The following TLCD4 variants were observed in gnomAD, a reference collection of about 807,000 sequenced individuals.
TLCD4 encodes TLC domain-containing protein 4.
A neutral mutation model predicts 24.2 loss-of-function variants in TLCD4; 7 were observed. That is an observed-to-expected ratio of 0.29 (90% CI 0.16 to 0.54). The LOEUF is 0.54. Ranked by LOEUF, TLCD4 falls within the 20% of genes least tolerant of loss-of-function variation. TLCD4 has a pLI of 0.95. For missense variants in TLCD4, 259 were observed against 313.9 expected (o/e 0.82, Z 1.32); for synonymous variants, 103 against 106.4 (o/e 0.97, Z 0.20).
chr1:95,130,555 G>A (rs915502), intron 1 of TLCD4, among the ~76,000 whole-genome samples: 149,613 of 152,324 alleles, frequency 0.98, 73,528 homozygotes, highest in East Asian at 1. Flanking sequence ...TGAAAATGCA[G>A]ACAAAACTCA....
chr1:95,139,870 GTTA>G (rs1010864642), intron 1 of TLCD4, among the ~76,000 whole-genome samples: 4 of 152,136 alleles, frequency 2.6e-5, no homozygotes, highest in South Asian at 2.1e-4. Flanking sequence ...TTACAATTAT[GTTA>G]TTATTATTTT....
At chr1:95,176,576 T>C (rs1678439714) in intron 6 of TLCD4, among the ~76,000 whole-genome samples, 1 of 152,216 alleles carries the variant, frequency 6.6e-6, no homozygotes, top group Admixed American at 6.5e-5. Context: ...TTTGGAAATA[T>C]TTTCATCTAT....
chr1:95,165,559 G>A (rs1020816267), intron 5 of TLCD4, among the ~76,000 whole-genome samples: 2 of 150,596 alleles, frequency 1.3e-5, no homozygotes, highest in East Asian at 2.0e-4. Context: ...TCCACTTCCC[G>A]GGTTCAAGCG....
intron 6 of TLCD4, among the ~76,000 whole-genome samples, chr1:95,184,231 A>G (rs1185441314): frequency 6.6e-6 from 1 of 152,116 alleles, no homozygotes; most frequent in Non-Finnish European, 1.5e-5. Context: ...TCTTGGACTC[A>G]CAATATCTTG....
chr1:95,107,130 A>G, the TLCD4 span, among the ~76,000 whole-genome samples: 8 of 152,238 alleles, frequency 5.3e-5, no homozygotes, highest in South Asian at 2.1e-4. Context: ...AGTCATAAAA[A>G]TAGTTCTTTT....
At chr1:95,191,055 T>A (rs867192415) in intron 6 of TLCD4, among the ~76,000 whole-genome samples, 29 of 152,166 alleles carry the variant, frequency 1.9e-4, no homozygotes, top group African/African-American at 6.5e-4. Context: ...AGATGCAAGA[T>A]CATACAGGTT....
At position 95,160,620 on chromosome 1, in the gene TLCD4, T is replaced by G. The variant is rs1677762829; in HGVS notation, c.399+9201T>G. On this transcript the variant is annotated intron_variant, in intron 5 of 6. Coordinates refer to ENST00000370203, the MANE Select transcript of TLCD4 (RefSeq NM_152487.3). ...GGGAATGCTTCCAGTTTTTGCCCAT[T>G]CGGTATGACATTGGCTGTGGGTTTG... Among the ~76,000 whole-genome samples the G allele has an allele frequency of 3.9e-5, 6 of 152,238 alleles. No individual in the cohort carries two copies. The South Asian group carries it at 1.2e-3, about 32-fold the overall frequency.
intron 2 of TLCD4, among the ~76,000 whole-genome samples, chr1:95,144,416 G>A (rs1205454004): frequency 6.6e-6 from 1 of 152,110 alleles, no homozygotes; most frequent in African/African-American, 2.4e-5. Flanking sequence ...CTTTTGAGTA[G>A]CTTATACCAT....
At chr1:95,168,748 T>C (rs555550776) in intron 5 of TLCD4, among the ~76,000 whole-genome samples, 22 of 152,094 alleles carry the variant, frequency 1.4e-4, no homozygotes, top group Non-Finnish European at 2.5e-4. Flanking sequence ...ATTTTGACTT[T>C]AGAGGTGATG....
At chr1:95,141,640 T>C (rs1449293637) in intron 1 of TLCD4, among the ~76,000 whole-genome samples, 1 of 152,196 alleles carries the variant, frequency 6.6e-6, no homozygotes, top group African/African-American at 2.4e-5. Flanking sequence ...AACTTTTATG[T>C]ATTGTTTGGT....
At position 95,192,244 on chromosome 1, in the gene TLCD4, A is replaced by C. The variant is rs1487325065; in HGVS notation, c.*376A>C. The C allele has an allele frequency of 5.8e-6, 1 of 171,600 alleles. No homozygotes were observed. The highest frequency in any genetic ancestry group is 1.2e-5 in the Non-Finnish European group (1 of 81,056). 10.6% of individuals were successfully genotyped at this position (171,600 alleles called of 1,614,324 possible). A position where few individuals can be genotyped will look rare whatever the true frequency, so the allele number is the denominator to read the frequency against. ...AACCCGAGAGACGGAGGTTGCAGTG[A>C]GCTGATATTGTGCCACTGCACTCCA... On this transcript the variant is annotated 3_prime_UTR_variant, in exon 7 of 7. Transcript: ENST00000370203.
At chr1:95,115,088 T>TTATATATA (rs71588543), upstream of TLCD4, among the ~76,000 whole-genome samples, 3 of 143,836 alleles carry the variant, frequency 2.1e-5, no homozygotes, top group African/African-American at 5.1e-5. Context: ...TATATACACA[T>TTATATATA]TATATATATA....
intron 6 of TLCD4, among the ~76,000 whole-genome samples, chr1:95,187,972 T>C (rs1678884671): frequency 6.6e-6 from 1 of 152,134 alleles, no homozygotes; most frequent in Non-Finnish European, 1.5e-5. Flanking sequence ...TGGTCTCTCC[T>C]TTCTTTTAAG....
chr1:95,134,639 G>C (rs892590789), intron 1 of TLCD4, among the ~76,000 whole-genome samples: 1 of 152,186 alleles, frequency 6.6e-6, no homozygotes, highest in Non-Finnish European at 1.5e-5. Flanking sequence ...GCAAAACAGC[G>C]GTACTCAAGT....
chr1:95,116,305 G>A (rs375250088), upstream of TLCD4, among the ~76,000 whole-genome samples: 2 of 152,222 alleles, frequency 1.3e-5, no homozygotes, highest in East Asian at 3.9e-4. Context: ...CAGAATTCCA[G>A]GTTCTGATTT....
upstream of TLCD4, among the ~76,000 whole-genome samples, chr1:95,116,943 A>G (rs1038738856): frequency 6.6e-6 from 1 of 152,246 alleles, no homozygotes; most frequent in African/African-American, 2.4e-5. Context: ...AGACGTGGCA[A>G]GAAAAACCAG....
chr1:95,135,457 C>T (rs921418563), intron 1 of TLCD4, among the ~76,000 whole-genome samples: 8 of 145,968 alleles, frequency 5.5e-5, no homozygotes, highest in Admixed American at 2.8e-4. Flanking sequence ...AGTACAGTGG[C>T]ATGATCTCAG....
the TLCD4 span, among the ~76,000 whole-genome samples, chr1:95,096,233 C>T: frequency 6.6e-6 from 1 of 152,204 alleles, no homozygotes; most frequent in Admixed American, 6.5e-5. Flanking sequence ...ACAGAAAGAG[C>T]AGGACAGAAG....
At chr1:95,170,415 C>T (rs537811390) in intron 5 of TLCD4, among the ~76,000 whole-genome samples, 6 of 151,016 alleles carry the variant, frequency 4.0e-5, no homozygotes, top group Admixed American at 2.0e-4. Flanking sequence ...CTGCAAGCTC[C>T]GCCTCCCAGG....
Sources: gnomAD v4.1 joint callset for allele counts (sites outside exome capture counted in the v4.1 genomes callset) on GRCh38, gnomAD v4.1.1 for gene constraint, MANE v1.5 for transcripts, NCBI Gene and HGNC (gene_info 2026-07-23, HGNC 2026-07-21) for gene names.